B3GALT1: variants seen among roughly 807,000 people sequenced by gnomAD.
The protein encoded by B3GALT1 is UDP-Gal:betaGlcNAc beta 1,3-galactosyltransferase, polypeptide 1.
A neutral mutation model predicts 23.2 loss-of-function variants in B3GALT1; 10 were observed. That is an observed-to-expected ratio of 0.43 (90% CI 0.27 to 0.73). B3GALT1 has a LOEUF of 0.73. Ranked by LOEUF, B3GALT1 falls within the 30% of genes least tolerant of loss-of-function variation. The pLI, the probability that B3GALT1 is intolerant of heterozygous loss-of-function variation, is 0.21. For synonymous variants in B3GALT1, 156 were observed against 141.5 expected (o/e 1.10, Z -0.73); for missense variants, 299 against 405.4 (o/e 0.74, Z 2.25).
chr2:167,722,966 A>C (rs1031191773), intron 3 of B3GALT1, among the ~76,000 whole-genome samples: 1 of 152,226 alleles, frequency 6.6e-6, no homozygotes, highest in Non-Finnish European at 1.5e-5. Flanking sequence ...TTTTATTGAA[A>C]GGTCTAAATT....
chr2:167,697,211 C>T (rs1007017172), intron 3 of B3GALT1, among the ~76,000 whole-genome samples: 1 of 152,124 alleles, frequency 6.6e-6, no homozygotes, highest in Non-Finnish European at 1.5e-5. Context: ...TGCCCACTTG[C>T]AAAGTTTGAA....
chr2:167,633,615 C>G (rs1685498104), intron 2 of B3GALT1, among the ~76,000 whole-genome samples: 1 of 152,000 alleles, frequency 6.6e-6, no homozygotes, highest in South Asian at 2.1e-4. Context: ...GTAAAGGGAT[C>G]AATTCAACAA....
intron 1 of B3GALT1, among the ~76,000 whole-genome samples, chr2:167,334,828 A>G (rs1485411233): frequency 1.3e-5 from 2 of 152,342 alleles, no homozygotes; most frequent in East Asian, 1.9e-4. Context: ...CCTCTCAAGA[A>G]TTATGTTATA....
intron 2 of B3GALT1, among the ~76,000 whole-genome samples, chr2:167,513,542 A>G (rs986945847): frequency 6.6e-6 from 1 of 152,212 alleles, no homozygotes; most frequent in African/African-American, 2.4e-5. Flanking sequence ...TAAAGATTCT[A>G]TAGTTTAAAA....
At chr2:167,757,866 AG>A (rs1687842433) in intron 3 of B3GALT1, among the ~76,000 whole-genome samples, 1 of 152,154 alleles carries the variant, frequency 6.6e-6, no homozygotes, top group African/African-American at 2.4e-5. Context: ...CAAATTCCAC[AG>A]CTCAGGACTG....
chr2:167,802,519 C>T (rs1474782176), intron 3 of B3GALT1, among the ~76,000 whole-genome samples: 10 of 152,230 alleles, frequency 6.6e-5, no homozygotes, highest in Non-Finnish European at 1.3e-4. Context: ...ACCAGCTCCT[C>T]GCACAATTTC....
At chr2:167,857,453 C>T (rs1026763232) in intron 4 of B3GALT1, among the ~76,000 whole-genome samples, 15 of 151,912 alleles carry the variant, frequency 9.9e-5, no homozygotes, top group South Asian at 6.2e-4. Flanking sequence ...AGTCTCTAGC[C>T]ATAGAGGAAG....
intron 2 of B3GALT1, among the ~76,000 whole-genome samples, chr2:167,613,558 A>T (rs1685106606): frequency 6.6e-6 from 1 of 151,638 alleles, no homozygotes; most frequent in Admixed American, 6.6e-5. Context: ...GTTTTTCTTT[A>T]GTCTTGTTTA....
At chr2:167,584,767 C>G (rs1684558012) in intron 2 of B3GALT1, among the ~76,000 whole-genome samples, 1 of 152,130 alleles carries the variant, frequency 6.6e-6, no homozygotes, top group Non-Finnish European at 1.5e-5. Flanking sequence ...CTAAAGGATA[C>G]AGAGGAAGGG....
chr2:167,640,003 AT>A (rs1327048270), intron 2 of B3GALT1, among the ~76,000 whole-genome samples: 1 of 151,818 alleles, frequency 6.6e-6, no homozygotes, highest in African/African-American at 2.4e-5. Context: ...TTATTTTAAG[AT>A]TAAATGATGG....
At chr2:167,793,656 T>C (rs971782207) in intron 3 of B3GALT1, among the ~76,000 whole-genome samples, 4 of 152,306 alleles carry the variant, frequency 2.6e-5, no homozygotes, top group Middle Eastern at 3.4e-3. Context: ...ACCCACATGA[T>C]CAATATTTTG....
At chr2:167,827,469 A>G (rs556165098) in intron 4 of B3GALT1, among the ~76,000 whole-genome samples, 1 of 152,198 alleles carries the variant, frequency 6.6e-6, no homozygotes, top group Non-Finnish European at 1.5e-5. Flanking sequence ...GCATTGGTCT[A>G]GACTGGCACC....
intron 1 of B3GALT1, among the ~76,000 whole-genome samples, chr2:167,346,770 G>T (rs1697228070): frequency 6.6e-6 from 1 of 151,442 alleles, no homozygotes; most frequent in Admixed American, 6.6e-5. Flanking sequence ...GCGTGTGTGT[G>T]TGTGTGCGTG....
At chr2:167,638,436 A>G (rs764683564) in intron 2 of B3GALT1, among the ~76,000 whole-genome samples, 7 of 152,066 alleles carry the variant, frequency 4.6e-5, no homozygotes, top group Non-Finnish European at 7.4e-5. Context: ...TTGGCTTTCC[A>G]TAGTCAGCAG....
chr2:167,423,902 C>T (rs544553805), intron 1 of B3GALT1, among the ~76,000 whole-genome samples: 1 of 152,260 alleles, frequency 6.6e-6, no homozygotes, highest in Admixed American at 6.5e-5. Context: ...TGGGGAGATA[C>T]TCAATAAATA....
chr2:167,460,272 C>T (rs1273956805), intron 1 of B3GALT1, among the ~76,000 whole-genome samples: 1 of 152,150 alleles, frequency 6.6e-6, no homozygotes, highest in Non-Finnish European at 1.5e-5. Flanking sequence ...CCACAGGTCT[C>T]TTACGGTCTG....
intron 3 of B3GALT1, among the ~76,000 whole-genome samples, chr2:167,711,995 T>C (rs561153869): frequency 6.6e-6 from 1 of 152,306 alleles, no homozygotes; most frequent in Non-Finnish European, 1.5e-5. Flanking sequence ...ACCATTTCCT[T>C]GGAAATACAA....
chr2:167,623,916 A>G (rs775206924), intron 2 of B3GALT1, among the ~76,000 whole-genome samples: 2 of 152,032 alleles, frequency 1.3e-5, no homozygotes, highest in Non-Finnish European at 2.9e-5. Flanking sequence ...CAGACAAGTA[A>G]CTATAACACA....
At chr2:167,306,665 CTG>C (rs1696557096) in intron 1 of B3GALT1, among the ~76,000 whole-genome samples, 1 of 152,038 alleles carries the variant, frequency 6.6e-6, no homozygotes, top group African/African-American at 2.4e-5. Context: ...GTCTTCAAAA[CTG>C]TTCTTTCATT....
Sources: allele counts gnomAD v4.1 joint callset (sites outside exome capture counted in the v4.1 genomes callset), GRCh38; gene constraint gnomAD v4.1.1; transcripts MANE v1.5; gene names NCBI Gene and HGNC (gene_info 2026-07-23, HGNC 2026-07-21).